PSMD1: variants seen among roughly 807,000 people sequenced by gnomAD.
PSMD1 encodes the protein 26S proteasome non-ATPase regulatory subunit 1.
In PSMD1, 18 loss-of-function variants were observed where a neutral mutation model predicts 119.0. That is an observed-to-expected ratio of 0.15 (90% confidence interval 0.10 to 0.22). PSMD1 has a LOEUF of 0.22. Ranked by LOEUF, PSMD1 falls within the 10% of genes least tolerant of loss-of-function variation. PSMD1 has a pLI of 1.00. For missense variants in PSMD1, 702 were observed against 1,158.5 expected (o/e 0.61, Z 5.72); for synonymous variants, 374 against 396.6 (o/e 0.94, Z 0.68).
chr2:231,164,256 C>G (rs1696705889), intron 21 of PSMD1, among the ~76,000 whole-genome samples: 1 of 152,066 alleles, frequency 6.6e-6, no homozygotes, highest in Non-Finnish European at 1.5e-5. Flanking sequence ...GGTTAGAATC[C>G]TGGATGTCAG....
intron 16 of PSMD1, chr2:231,108,866 A>C (rs745934870): frequency 6.2e-7 from 1 of 1,614,188 alleles, no homozygotes; most frequent in Admixed American, 1.7e-5. Context: ...GCCTATCCAC[A>C]CAAATATCTC....
At chr2:231,159,090 A>T (rs894712653) in intron 19 of PSMD1, among the ~76,000 whole-genome samples, 1 of 152,316 alleles carries the variant, frequency 6.6e-6, no homozygotes, top group Non-Finnish European at 1.5e-5. Context: ...CTCCAAGCAA[A>T]ATGTGAAGAT....
intron 12 of PSMD1, among the ~76,000 whole-genome samples, chr2:231,081,336 TAGAC>T (rs1313694912): frequency 6.6e-6 from 1 of 151,868 alleles, no homozygotes; most frequent in East Asian, 1.9e-4. Context: ...AAAACAGCAA[TAGAC>T]AGCATTAAAA....
rs776816551 is a variant in PSMD1 at position 231,161,337 on chromosome 2, C to T, written c.2219-3C>T. 6.3e-7 allele frequency: 1 copy of T among 1,597,666 alleles called. No homozygotes were observed. Among genetic ancestry groups the T allele is most frequent in the East Asian group, 2.2e-5 (1 of 44,766 alleles). ...TGTTCATGGTTTCTCTCTTTTTCTACAGGTGGTCATAATGTCACAATCTCC... is the reference window on the plus strand; with the variant it reads ...TGTTCATGGTTTCTCTCTTTTTCTATAGGTGGTCATAATGTCACAATCTCC... On this transcript the variant is annotated splice_region_variant and splice_polypyrimidine_tract_variant and intron_variant, in intron 19 of 24. Transcript: ENST00000308696.
At chr2:231,063,549 A>G (rs1038466271) in intron 4 of PSMD1, among the ~76,000 whole-genome samples, 9 of 152,218 alleles carry the variant, frequency 5.9e-5, no homozygotes, top group African/African-American at 2.2e-4. Context: ...TCTTTTAGAA[A>G]TTGGGAAGTC....
intron 16 of PSMD1, chr2:231,133,555 G>A (rs543615781): frequency 6.6e-6 from 1 of 152,312 alleles, no homozygotes; most frequent in South Asian, 2.1e-4. Context: ...ACCCCTTGAT[G>A]TGTCTAAATG....
chr2:231,085,283 T>A (rs1694404695), intron 15 of PSMD1, among the ~76,000 whole-genome samples, 169 bp downstream of exon 15: 1 of 152,228 alleles, frequency 6.6e-6, no homozygotes, highest in African/African-American at 2.4e-5. Context: ...CTAGATTCAC[T>A]TAGCTTTTCA....
At position 231,082,940 on chromosome 2, in the gene PSMD1, C is replaced by G. The variant is rs768679965; in HGVS notation, c.1471C>G (p.Gln491Glu). 6.2e-7 allele frequency: 1 copy of G among 1,614,088 alleles called. No individual in the cohort carries two copies. Among genetic ancestry groups the G allele is most frequent in the Non-Finnish European group, 8.5e-7 (1 of 1,179,972 alleles). ...LGLAAMGTAR[Q>E]DVYDLLKTNL... Reference sequence around the variant, plus strand: ...TTTGGCAGCCATGGGAACTGCACGTCAAGATGTTTATGATTTGCTAAAAAC... The same window carrying G: ...TTTGGCAGCCATGGGAACTGCACGTGAAGATGTTTATGATTTGCTAAAAAC... The change falls in exon 13 of 25, where the codon CAA becomes GAA. Residue 491 changes from glutamine to glutamate, a missense_variant. Physicochemically the swap from Gln to Glu is conservative, Grantham distance 29. Around this residue, in one of 9 missense-constraint regions of PSMD1, gnomAD observed 272 missense variants for 511.6 expected, o/e 0.53. Coordinates refer to ENST00000308696, the MANE Select transcript of PSMD1 (RefSeq NM_002807.4).
intron 16 of PSMD1, among the ~76,000 whole-genome samples, chr2:231,095,496 A>G (rs1437214901): frequency 2.6e-5 from 4 of 152,224 alleles, no homozygotes; most frequent in Admixed American, 2.6e-4. Context: ...GCTAGTAAAT[A>G]TCATCCATAA....
intron 19 of PSMD1, among the ~76,000 whole-genome samples, chr2:231,160,285 TAA>T (rs1696607292): frequency 6.6e-6 from 1 of 152,212 alleles, no homozygotes; most frequent in African/African-American, 2.4e-5. Context: ...GAATTAGAAA[TAA>T]AGTGTTTTGT....
At chr2:231,150,072 G>A (rs559424457) in intron 18 of PSMD1, among the ~76,000 whole-genome samples, 79 of 152,312 alleles carry the variant, frequency 5.2e-4, no homozygotes, top group Non-Finnish European at 8.5e-4. Context: ...TAGGCCAGGC[G>A]CAGTGGCTCA....
intron 18 of PSMD1, 109 bp downstream of exon 18, chr2:231,146,465 TAAAGTA>T (rs911476697): frequency 2.6e-6 from 2 of 775,010 alleles, no homozygotes; most frequent in East Asian, 2.5e-5. Flanking sequence ...ACACTGAAAG[TAAAGTA>T]AAAGTAAAGA....
intron 16 of PSMD1, among the ~76,000 whole-genome samples, chr2:231,109,719 T>C (rs1320102172): frequency 6.6e-6 from 1 of 152,226 alleles, no homozygotes; most frequent in Non-Finnish European, 1.5e-5. Context: ...TCATAATCTA[T>C]TTTTGTTTTT....
chr2:231,111,548 T>A (rs1246443159), intron 16 of PSMD1, among the ~76,000 whole-genome samples: 1 of 152,248 alleles, frequency 6.6e-6, no homozygotes, highest in Admixed American at 6.5e-5. Flanking sequence ...TTACCTAGAA[T>A]AACTGTAAAT....
chr2:231,138,906 C>G, intron 17 of PSMD1, 56 bp downstream of exon 17: 1 of 1,303,200 alleles, frequency 7.7e-7, no homozygotes, highest in South Asian at 1.2e-5. Context: ...TGTTTTCCCT[C>G]GCCGCAGAAT....
chr2:231,131,761 C>CA (rs540366686), intron 16 of PSMD1, among the ~76,000 whole-genome samples: 1,046 of 11,652 alleles, frequency 0.09, 156 homozygotes, highest in East Asian at 0.16. Flanking sequence ...GACTCCGTCT[C>CA]AAAAAAAAAA....
chr2:231,085,120 T>C lies in PSMD1; in HGVS notation c.1818+6T>C. 2 of 1,609,258 alleles carry C rather than the reference T, an allele frequency of 1.2e-6. No homozygotes were observed. Among genetic ancestry groups the C allele is most frequent in the Non-Finnish European group, 1.7e-6 (2 of 1,175,570 alleles). On this transcript the variant is annotated splice_donor_region_variant and intron_variant, in intron 15 of 24. Transcript: ENST00000308696. Reference sequence around the variant, plus strand: ...GACGCCTGCTACATGTTGCTGTAAGTACTCTGACCTTTCTTGGGAATGGGG... The same window carrying C: ...GACGCCTGCTACATGTTGCTGTAAGCACTCTGACCTTTCTTGGGAATGGGG...
chr2:231,093,861 C>A (rs1312625528), intron 16 of PSMD1, among the ~76,000 whole-genome samples: 1 of 151,654 alleles, frequency 6.6e-6, no homozygotes, highest in Admixed American at 6.6e-5. Flanking sequence ...GTTGGATGTT[C>A]CACGTGTGAC....
At chr2:231,120,251 C>T (rs1159965078) in intron 16 of PSMD1, among the ~76,000 whole-genome samples, 3 of 152,174 alleles carry the variant, frequency 2.0e-5, no homozygotes, top group Non-Finnish European at 4.4e-5. Context: ...CGTGCCCAGC[C>T]TCCCCTGTTA....
Sources: allele counts gnomAD v4.1 joint callset (sites outside exome capture counted in the v4.1 genomes callset), GRCh38; gene constraint gnomAD v4.1.1; regional missense constraint gnomAD v4.1.1; transcripts MANE v1.5; gene names NCBI Gene and HGNC (gene_info 2026-07-23, HGNC 2026-07-21).